Variants in PTPRD observed in about 807,000 individuals in gnomAD.
PTPRD encodes receptor-type tyrosine-protein phosphatase delta.
Under a neutral mutation model 214.5 loss-of-function variants are expected in PTPRD, and 34 were observed. That is an observed-to-expected ratio of 0.16 (90% CI 0.12 to 0.21). The LOEUF (loss-of-function observed/expected upper bound fraction) is 0.21, where lower values mean the gene tolerates loss of function less well. PTPRD is among the 10% of genes least tolerant of loss of function. The pLI, the probability that PTPRD is intolerant of heterozygous loss-of-function variation, is 1.00. For synonymous variants in PTPRD, 1,128 were observed against 845.7 expected (o/e 1.33, Z -5.79); for missense variants, 2,545 against 2,398.7 (o/e 1.06, Z -1.27).
At chr9:9,850,741 T>G (rs73400616) in intron 5 of PTPRD, among the ~76,000 whole-genome samples, 5,266 of 152,280 alleles carry the variant, frequency 0.035, 99 homozygotes, top group Middle Eastern at 0.071. Context: ...TGTTATTAAC[T>G]GTAGTCACTA....
intron 11 of PTPRD, among the ~76,000 whole-genome samples, chr9:8,882,893 A>G (rs893170486): frequency 4.0e-5 from 6 of 151,698 alleles, no homozygotes; most frequent in Non-Finnish European, 7.4e-5. Context: ...TCAAAAAAAA[A>G]AAAGGTATTT....
intron 35 of PTPRD, among the ~76,000 whole-genome samples, chr9:8,428,954 T>C (rs568874148): frequency 1.3e-5 from 2 of 152,294 alleles, no homozygotes; most frequent in South Asian, 4.1e-4. Context: ...TTTGTGGTCA[T>C]TGCTTAGATG....
chr9:9,940,516 G>A (rs111929876), intron 4 of PTPRD, among the ~76,000 whole-genome samples: 11 of 152,274 alleles, frequency 7.2e-5, no homozygotes, highest in African/African-American at 2.4e-4. Flanking sequence ...TCTCTACCTA[G>A]ATGTATAATT....
At chr9:8,824,745 T>G (rs1451301607) in intron 11 of PTPRD, among the ~76,000 whole-genome samples, 2 of 151,912 alleles carry the variant, frequency 1.3e-5, no homozygotes, top group African/African-American at 4.8e-5. Flanking sequence ...TTCCTTTTGG[T>G]TTTTTTTGAG....
At chr9:9,618,199 T>G (rs1358966807) in intron 7 of PTPRD, among the ~76,000 whole-genome samples, 3 of 148,358 alleles carry the variant, frequency 2.0e-5, no homozygotes, top group Admixed American at 6.8e-5. Flanking sequence ...ATGTCACATA[T>G]CTAATCTGTG....
At chr9:10,295,617 G>A (rs1471002801) in intron 3 of PTPRD, among the ~76,000 whole-genome samples, 1 of 152,008 alleles carries the variant, frequency 6.6e-6, no homozygotes, top group Admixed American at 6.6e-5. Context: ...CCTTAGTATG[G>A]TAGGCAGAAT....
chr9:9,445,845 T>G (rs1469569461), intron 8 of PTPRD, among the ~76,000 whole-genome samples: 1 of 152,070 alleles, frequency 6.6e-6, no homozygotes, highest in Non-Finnish European at 1.5e-5. Flanking sequence ...AGCAGAAAAG[T>G]ATAGTGGTAA....
intron 8 of PTPRD, among the ~76,000 whole-genome samples, chr9:9,561,251 T>A (rs1441820327): frequency 6.6e-6 from 1 of 152,148 alleles, no homozygotes; most frequent in Non-Finnish European, 1.5e-5. Context: ...AGCACAGCCA[T>A]GTTCCTTACA....
At chr9:8,918,490 G>A (rs1431423314) in intron 11 of PTPRD, among the ~76,000 whole-genome samples, 1 of 152,104 alleles carries the variant, frequency 6.6e-6, no homozygotes, top group African/African-American at 2.4e-5. Flanking sequence ...GCATTTAAAT[G>A]ATATCAGACC....
chr9:8,776,361 G>A (rs564238982), intron 11 of PTPRD, among the ~76,000 whole-genome samples: 1 of 152,250 alleles, frequency 6.6e-6, no homozygotes, highest in South Asian at 2.1e-4. Flanking sequence ...GGAGTGCAAT[G>A]GTGCAATCTT....
rs2154327896 is a variant in PTPRD at position 8,636,711 on chromosome 9, A to T, written c.198T>A (p.Asn66Lys). The change falls in exon 13 of 46, where the codon AAT becomes AAA. Residue 66 changes from asparagine (N) to lysine (K), a missense_variant. Transcript: ENST00000381196. ...VWNKKGKKVS[N>K]QRFEVIEFDD... is the part of the protein sequence containing the mutation. Reference sequence around the variant, plus strand: ...ATGGACCTAATACCTCAAATCTCTGATTGCTGACTTTCTTTCCTTTTTTGT... The same window carrying T: ...ATGGACCTAATACCTCAAATCTCTGTTTGCTGACTTTCTTTCCTTTTTTGT... The T allele has an allele frequency of 6.2e-7, 1 of 1,614,028 alleles. No individual in the cohort carries two copies. The highest frequency in any genetic ancestry group is 1.3e-5 in the African/African-American group (1 of 75,030).
At chr9:8,404,460 C>T in intron 36 of PTPRD, 77 bp downstream of exon 36, 1 of 1,515,352 alleles carries the variant, frequency 6.6e-7, no homozygotes, top group Non-Finnish European at 8.9e-7. Flanking sequence ...GGTTAATAAC[C>T]TCACTAAAAC....
At chr9:10,188,753 G>A (rs1317724749) in intron 3 of PTPRD, among the ~76,000 whole-genome samples, 1 of 152,108 alleles carries the variant, frequency 6.6e-6, no homozygotes, top group Non-Finnish European at 1.5e-5. Context: ...TTCACCAGAA[G>A]CAAATAGGTT....
At chr9:9,854,912 C>A (rs2061261046) in intron 5 of PTPRD, among the ~76,000 whole-genome samples, 1 of 152,168 alleles carries the variant, frequency 6.6e-6, no homozygotes, top group Admixed American at 6.5e-5. Flanking sequence ...ACTGGACCAA[C>A]AAATTGAGGA....
intron 6 of PTPRD, among the ~76,000 whole-genome samples, chr9:9,751,993 C>G (rs909975281): frequency 2.0e-5 from 3 of 152,138 alleles, no homozygotes; most frequent in African/African-American, 7.2e-5. Context: ...GATTATACAA[C>G]AACTATATTC....
intron 2 of PTPRD, among the ~76,000 whole-genome samples, chr9:10,422,655 C>G (rs1004220797): frequency 7.9e-5 from 12 of 151,890 alleles, no homozygotes; most frequent in African/African-American, 2.7e-4. Flanking sequence ...GATATGAACA[C>G]ACACTTCTGA....
intron 10 of PTPRD, among the ~76,000 whole-genome samples, chr9:9,155,153 T>C (rs2099880136): frequency 6.6e-6 from 1 of 152,196 alleles, no homozygotes; most frequent in South Asian, 2.1e-4. Context: ...TGCTCTAAGA[T>C]GCATTGAAGG....
intron 11 of PTPRD, among the ~76,000 whole-genome samples, chr9:8,867,439 C>T (rs936587971): frequency 3.3e-5 from 5 of 152,288 alleles, no homozygotes; most frequent in African/African-American, 9.6e-5. Context: ...TTTACTTTTC[C>T]TCCCTCAGAG....
intron 2 of PTPRD, among the ~76,000 whole-genome samples, chr9:10,592,918 G>C (rs1265954956): frequency 6.6e-6 from 1 of 151,904 alleles, no homozygotes; most frequent in South Asian, 2.1e-4. Context: ...ACCTGCTCTT[G>C]TCCCCTTCCA....
Sources: allele counts gnomAD v4.1 joint callset (sites outside exome capture counted in the v4.1 genomes callset), GRCh38; gene constraint gnomAD v4.1.1; transcripts MANE v1.5; gene names NCBI Gene and HGNC (gene_info 2026-07-23, HGNC 2026-07-21).